Variants in SMG1 observed in about 807,000 individuals in gnomAD.
SMG1 encodes the protein SMG1 nonsense mediated mRNA decay associated PI3K related kinase.
SMG1 carries 22 observed loss-of-function variants against 419.9 expected under a neutral mutation model. That is an observed-to-expected ratio of 0.05 (90% CI 0.04 to 0.07). The LOEUF (loss-of-function observed/expected upper bound fraction) is 0.07, where lower values mean the gene tolerates loss of function less well. Among genes scored for constraint, SMG1 ranks in the 10% least tolerant of loss-of-function variants. The pLI is 1.00. For synonymous variants in SMG1, 1,538 were observed against 1,553.5 expected, an observed-to-expected ratio of 0.99 and a Z score of 0.23; for missense variants, 3,185 against 4,342.0, an observed-to-expected ratio of 0.73 and a Z score of 7.49.
In SMG1 at chr16:18,805,056, C is replaced by CTT. The variant is rs781541797; in HGVS notation, c.*4511_*4512dup. The CTT allele has an allele frequency of 2.2e-3, 330 of 152,742 alleles. 1 individual carries two copies. The highest frequency in any genetic ancestry group is 3.5e-3 in the Non-Finnish European group (237 of 68,036). The allele number at this position is 152,742 out of a possible 1,614,324, so 9.5% of individuals were successfully genotyped here. ...TATATCCATCAGGAGGCATTACAAC[C>CTT]TTTTGTACAGAAAAGCCACTATTTA... On this transcript the variant is annotated 3_prime_UTR_variant, in exon 63 of 63. Coordinates refer to ENST00000446231, the MANE Select transcript of SMG1 (RefSeq NM_015092.5).
At chr16:18,886,563 G>T (rs1004999418) in intron 6 of SMG1, among the ~76,000 whole-genome samples, 3 of 152,168 alleles carry the variant, frequency 2.0e-5, no homozygotes, top group African/African-American at 7.2e-5. Context: ...AACACTTTGG[G>T]AGGACGAGGC....
At position 18,816,387 on chromosome 16, in the gene SMG1, T is replaced by C. The variant is rs763281339; in HGVS notation, c.10217A>G (p.Asn3406Ser). The C allele has an allele frequency of 2.5e-6, 4 of 1,613,844 alleles. No homozygotes were observed. The highest frequency in any genetic ancestry group is 3.4e-6 in the Non-Finnish European group (4 of 1,179,872). The change falls in exon 58 of 63, where the codon AAT becomes AGT. Residue 3406 changes from asparagine to serine, a missense_variant. By Grantham distance (46) the Asn-to-Ser change is conservative. This residue lies in a region of SMG1 where 737 missense variants were observed against 846.6 expected (regional missense o/e 0.87). Coordinates refer to ENST00000446231, the MANE Select transcript of SMG1 (RefSeq NM_015092.5). Reference sequence around the variant, plus strand: ...CACAGTCTTTATATTATCAACCAGATTCTGAATTGTTTCACAGACCGTTTC... The same window carrying C: ...CACAGTCTTTATATTATCAACCAGACTCTGAATTGTTTCACAGACCGTTTC... ...QIETVCETIQ[N>S]LVDNIKTVLT...
At chr16:18,811,686 A>G in intron 62 of SMG1, 75 bp downstream of exon 62, 3 of 1,240,186 alleles carry the variant, frequency 2.4e-6, no homozygotes, top group South Asian at 2.5e-5. Flanking sequence ...AAGGAAATCG[A>G]TGAGAGGGAT....
rs1434426794 is a variant in SMG1 at position 18,869,254 on chromosome 16, T to C, written c.2683A>G (p.Lys895Glu). Reference sequence around the variant, plus strand: ...CGTGGAATTGTTGACTGGTCACGCTTATCCAGTCTCTGGCAGCTATAGAAC... The same window carrying C: ...CGTGGAATTGTTGACTGGTCACGCTCATCCAGTCTCTGGCAGCTATAGAAC... The part of the protein sequence containing the change: ...RLFYSCQRLD[K>E]RDQSTIPRNL... The change falls in exon 20 of 63, where the codon AAG becomes GAG. Residue 895 changes from lysine to glutamate, a missense_variant. By Grantham distance (56) the Lys-to-Glu change is moderately conservative. This residue lies in a region of SMG1 where 48 missense variants were observed against 48.8 expected (regional missense o/e 0.98). Transcript: ENST00000446231. 1.9e-6 allele frequency: 3 copies of C among 1,611,716 alleles called. No homozygotes were observed. The highest frequency in any genetic ancestry group is 1.7e-5 in the Admixed American group (1 of 60,008).
chr16:18,883,833 C>A (rs956610143), intron 9 of SMG1, among the ~76,000 whole-genome samples: 7 of 150,110 alleles, frequency 4.7e-5, no homozygotes, highest in Non-Finnish European at 1.0e-4. Context: ...GCAGGAGAAT[C>A]ATTTGAACCC....
chr16:18,857,950 C>G, intron 29 of SMG1: 2 of 313,630 alleles, frequency 6.4e-6, no homozygotes, highest in Non-Finnish European at 6.1e-6. Flanking sequence ...GAAAGCAAAT[C>G]AGTAACTGCT....
chr16:18,864,344 C>T (rs745713446), intron 23 of SMG1, among the ~76,000 whole-genome samples, 200 bp from the exon 24 acceptor site: 3 of 151,764 alleles, frequency 2.0e-5, no homozygotes, highest in African/African-American at 7.3e-5. Flanking sequence ...TACAGGCGCT[C>T]GCCACCATGC....
chr16:18,921,505 T>C (rs2038199864), intron 1 of SMG1, among the ~76,000 whole-genome samples: 1 of 152,188 alleles, frequency 6.6e-6, no homozygotes, highest in Non-Finnish European at 1.5e-5. Context: ...TACTTTGAAA[T>C]CCGTGGAACA....
At chr16:18,845,335 T>A in intron 39 of SMG1, 94 bp downstream of exon 39, 1 of 1,073,334 alleles carries the variant, frequency 9.3e-7, no homozygotes, top group Non-Finnish European at 1.3e-6. Context: ...TAAAATCTCT[T>A]ACATTCCAAG....
intron 36 of SMG1, 58 bp from the exon 37 acceptor site, chr16:18,848,091 T>G: frequency 1.4e-6 from 2 of 1,409,542 alleles, no homozygotes; most frequent in South Asian, 1.2e-5. Context: ...GTGCATATGC[T>G]AGGTTAGGGA....
intron 1 of SMG1, among the ~76,000 whole-genome samples, chr16:18,908,572 A>G (rs978868694): frequency 1.8e-4 from 28 of 151,558 alleles, no homozygotes; most frequent in South Asian, 2.1e-4. Context: ...AGGTGAAGTG[A>G]TGTTTACCAA....
Position 18,829,588 on chromosome 16 carries a change from C to G in SMG1, c.9301G>C (p.Ala3101Pro). The G allele has an allele frequency of 6.2e-7, 1 of 1,613,994 alleles. No individual in the cohort carries two copies. Among genetic ancestry groups the G allele is most frequent in the Non-Finnish European group, 8.5e-7 (1 of 1,179,892 alleles). ...RQLLIGLPNQ[A>P]LGLTLCSFIS... Reference sequence around the variant, plus strand: ...AAACTGCACAGTGTGAGTCCGAGGGCTTGGTTGGGTAGCCCTATCAAGAGC... The same window carrying G: ...AAACTGCACAGTGTGAGTCCGAGGGGTTGGTTGGGTAGCCCTATCAAGAGC... The change falls in exon 54 of 63, where the codon GCC (alanine) becomes CCC (proline). Residue 3101 changes from alanine (A) to proline (P), a missense_variant. By Grantham distance (27) the Ala-to-Pro change is conservative. Transcript: ENST00000446231.
intron 46 of SMG1, among the ~76,000 whole-genome samples, chr16:18,836,828 T>G (rs1421176951): frequency 1.3e-5 from 2 of 152,210 alleles, no homozygotes; most frequent in Non-Finnish European, 2.9e-5. Context: ...TGCTTGACAC[T>G]TTCATATTCA....
intron 19 of SMG1, 74 bp from the exon 20 acceptor site, chr16:18,869,377 A>C (rs1190179501): frequency 7.8e-7 from 1 of 1,290,210 alleles, no homozygotes; most frequent in East Asian, 2.5e-5. Flanking sequence ...ATGCAAGGGG[A>C]ATAGGAATAA....
intron 39 of SMG1, 35 bp downstream of exon 39, chr16:18,845,394 G>T: frequency 1.3e-6 from 2 of 1,547,600 alleles, no homozygotes; most frequent in Non-Finnish European, 1.8e-6. Context: ...ACTGTGATGT[G>T]CCATTTCAGT....
chr16:18,847,944 G>A lies in SMG1; in HGVS notation c.5713C>T (p.Pro1905Ser). The A allele has an allele frequency of 1.2e-6, 2 of 1,613,934 alleles. No homozygotes were observed. Among genetic ancestry groups the A allele is most frequent in the Non-Finnish European group, 1.7e-6 (2 of 1,179,862 alleles). ...LVSECEGGSP[P>S]ASQDSNKDEP... Reference sequence around the variant, plus strand: ...TCCTTATTGCTATCCTGAGATGCAGGAGGACTTCCTCCCTCACATTCAGAA... The same window carrying A: ...TCCTTATTGCTATCCTGAGATGCAGAAGGACTTCCTCCCTCACATTCAGAA... Residue 1905 changes from proline to serine, a missense_variant, in exon 37 of 63, where the codon CCT becomes TCT. Physicochemically the swap from Pro to Ser is moderately conservative, Grantham distance 74 (BLOSUM62 -1). Transcript: ENST00000446231.
Position 18,841,543 on chromosome 16 carries a change from CTG to C in SMG1, c.6696+20_6696+21del, listed in dbSNP as rs769246576. On this transcript the variant is annotated intron_variant, in intron 41 of 62. Coordinates refer to ENST00000446231, the MANE Select transcript of SMG1 (RefSeq NM_015092.5). ...TAATAACAGAGAATAGACTAATACACTGTGTAGATGATTTAATCAACCTTTTG... is the reference window on the plus strand; with the variant it reads ...TAATAACAGAGAATAGACTAATACACTGTAGATGATTTAATCAACCTTTTG... 6.3e-7 allele frequency: 1 copy of C among 1,598,542 alleles called. No individual in the cohort carries two copies. The highest frequency in any genetic ancestry group is 2.2e-5 in the East Asian group (1 of 44,782).
chr16:18,838,740 C>G (rs1470916675), intron 42 of SMG1, 51 bp from the exon 43 acceptor site: 15 of 1,225,562 alleles, frequency 1.2e-5, no homozygotes, highest in Non-Finnish European at 1.7e-5. Flanking sequence ...AAGAAATTTC[C>G]CTCCAACATG....
intron 58 of SMG1, 58 bp downstream of exon 58, chr16:18,816,244 T>A: frequency 7.6e-7 from 1 of 1,316,274 alleles, no homozygotes; most frequent in Non-Finnish European, 1.0e-6. Context: ...TAAATAAAAC[T>A]ACTTGTAAAT....
Sources: allele counts gnomAD v4.1 joint callset (sites outside exome capture counted in the v4.1 genomes callset), GRCh38; gene constraint gnomAD v4.1.1; regional missense constraint gnomAD v4.1.1; transcripts MANE v1.5; gene names NCBI Gene and HGNC (gene_info 2026-07-23, HGNC 2026-07-21).